DIP2C: variants seen among roughly 807,000 people sequenced by gnomAD.
DIP2C encodes the protein disco-interacting protein 2 homolog C.
DIP2C carries 33 observed loss-of-function variants against 192.4 expected under a neutral mutation model. The ratio of observed to expected loss-of-function variants is 0.17; its 90% CI spans 0.13 to 0.23. The LOEUF is 0.23. DIP2C is among the 10% of genes least tolerant of loss of function. DIP2C has a pLI of 1.00. For synonymous variants in DIP2C, 979 were observed against 864.1 expected, an observed-to-expected ratio of 1.13 and a Z score of -2.33; for missense variants, 1,537 against 2,110.1, an observed-to-expected ratio of 0.73 and a Z score of 5.32.
chr10:384,575 G>A lies in DIP2C; in HGVS notation c.1727C>T (p.Ser576Phe). Residue 576 changes from serine to phenylalanine, a missense_variant, in exon 15 of 37, where the codon TCC becomes TTC. Physicochemically the swap from Ser to Phe is radical, Grantham distance 155. Around this residue, in one of 4 missense-constraint regions of DIP2C, gnomAD observed 677 missense variants for 989.9 expected, o/e 0.68. Transcript: ENST00000280886. The part of the protein sequence containing the change: ...PYSLMKVNPL[S>F]WIQKVCQYKA... ...GTACTGGCAGACCTTCTGGATCCAG[G>A]AGAGAGGGTTCACCTTCATCAGCGA... 1 of 1,613,984 alleles carries A rather than the reference G, an allele frequency of 6.2e-7. No individual in the cohort carries two copies. The highest frequency in any genetic ancestry group is 2.2e-5 in the East Asian group (1 of 44,876).
chr10:598,404 C>T (rs918148779), intron 1 of DIP2C, among the ~76,000 whole-genome samples: 1 of 152,178 alleles, frequency 6.6e-6, no homozygotes, highest in Non-Finnish European at 1.5e-5. Flanking sequence ...ACAACATGGA[C>T]ATTCCCTCAA....
chr10:601,263 T>TA (rs1852055826), intron 1 of DIP2C, among the ~76,000 whole-genome samples: 1 of 152,232 alleles, frequency 6.6e-6, no homozygotes. Context: ...AATCTCTAGA[T>TA]AATCAGGCAA....
At chr10:289,573 G>C (rs974800465) in intron 32 of DIP2C, among the ~76,000 whole-genome samples, 1 of 152,142 alleles carries the variant, frequency 6.6e-6, no homozygotes, top group East Asian at 1.9e-4. Flanking sequence ...AGCCCTCACT[G>C]AGATTTGAAA....
intron 1 of DIP2C, among the ~76,000 whole-genome samples, chr10:520,525 C>G (rs1846633713): frequency 6.6e-6 from 1 of 152,188 alleles, no homozygotes; most frequent in African/African-American, 2.4e-5. Flanking sequence ...TTTGGGTTTT[C>G]CGTGGGCAGA....
At chr10:436,512 G>A (rs1488875730) in intron 4 of DIP2C, among the ~76,000 whole-genome samples, 3 of 151,912 alleles carry the variant, frequency 2.0e-5, no homozygotes, top group South Asian at 2.1e-4. Flanking sequence ...TCCGCCTCCT[G>A]GACGTAGTAG....
At chr10:561,312 T>A (rs1211543692) in intron 1 of DIP2C, among the ~76,000 whole-genome samples, 1 of 152,182 alleles carries the variant, frequency 6.6e-6, no homozygotes, top group East Asian at 1.9e-4. Context: ...GGACTCACAA[T>A]GGATTGGAGG....
chr10:453,778 G>T (rs1314518795), intron 3 of DIP2C, among the ~76,000 whole-genome samples: 1 of 152,246 alleles, frequency 6.6e-6, no homozygotes, highest in Non-Finnish European at 1.5e-5. Flanking sequence ...CAGCACAGGG[G>T]CTCCAAGGAG....
chr10:477,271 A>G lies in DIP2C; in HGVS notation c.158-4722T>C, dbSNP rs75373117. On this transcript the variant is annotated intron_variant, in intron 2 of 36. Coordinates refer to ENST00000280886, the MANE Select transcript of DIP2C (RefSeq NM_014974.3). ...AAGAATGGATGGATAGGAGGTAGAG[A>G]AGGAAGGGAAGGAAGAGACGGGAGG... Among the ~76,000 whole-genome samples the G allele has an allele frequency of 6.8e-3, 498 of 73,508 alleles. 16 individuals carry two copies. Among genetic ancestry groups the G allele is most frequent in the African/African-American group, 0.033 (466 of 14,104 alleles). 48.2% of individuals were successfully genotyped at this position (73,508 alleles called of 152,430 possible). A position where few individuals can be genotyped will look rare whatever the true frequency, so the allele number is the denominator to read the frequency against.
At chr10:412,779 CAG>C (rs1965271813) in intron 8 of DIP2C, among the ~76,000 whole-genome samples, 1 of 152,144 alleles carries the variant, frequency 6.6e-6, no homozygotes, top group Admixed American at 6.5e-5. Flanking sequence ...TACCTGCAAT[CAG>C]AAAAGTGTTG....
intron 2 of DIP2C, among the ~76,000 whole-genome samples, chr10:477,296 G>A (rs556853471): frequency 8.1e-5 from 3 of 37,036 alleles, no homozygotes; most frequent in Admixed American, 3.1e-4. Flanking sequence ...GAGACGGGAG[G>A]AAGGTGGATG....
intron 1 of DIP2C, among the ~76,000 whole-genome samples, chr10:517,906 T>G (rs1175835384): frequency 6.6e-6 from 1 of 152,226 alleles, no homozygotes; most frequent in Non-Finnish European, 1.5e-5. Flanking sequence ...TCCTCTTCTG[T>G]GCAGTTTCAC....
At chr10:558,613 G>A (rs1849035038) in intron 1 of DIP2C, among the ~76,000 whole-genome samples, 1 of 152,148 alleles carries the variant, frequency 6.6e-6, no homozygotes, top group Non-Finnish European at 1.5e-5. Context: ...TCGGGGAAAG[G>A]CAGCTTCTCC....
intron 3 of DIP2C, among the ~76,000 whole-genome samples, chr10:451,596 T>C (rs1968853523): frequency 1.3e-5 from 2 of 152,256 alleles, no homozygotes. Context: ...GCAATTTTAC[T>C]TAAAAAGAAT....
At position 343,118 on chromosome 10, in the gene DIP2C, T is replaced by C. The variant is rs569788928; in HGVS notation, c.3453+1691A>G. Among the ~76,000 whole-genome samples, 26 of 152,170 alleles carry C rather than the reference T, an allele frequency of 1.7e-4. No homozygotes were observed. In the South Asian group the frequency reaches 4.4e-3, roughly 26 times the overall value. ...TCCTGGCTAACACAGTGAAACCCCA[T>C]CTCTACTAAACATACAAAAAATTAG... On this transcript the variant is annotated intron_variant, in intron 28 of 36. Transcript: ENST00000280886.
At chr10:447,878 A>T (rs12779783) in intron 3 of DIP2C, among the ~76,000 whole-genome samples, 1 of 76,806 alleles carries the variant, frequency 1.3e-5, no homozygotes, top group African/African-American at 8.4e-5. Context: ...CCCATTAATA[A>T]TCAGGATCAC....
At chr10:626,438 C>T (rs1430974433) in intron 1 of DIP2C, among the ~76,000 whole-genome samples, 1 of 151,780 alleles carries the variant, frequency 6.6e-6, no homozygotes, top group African/African-American at 2.4e-5. Context: ...CGGTGTTACC[C>T]TCCGTCCCCC....
intron 1 of DIP2C, among the ~76,000 whole-genome samples, chr10:586,951 G>A (rs1038557510): frequency 2.6e-5 from 4 of 151,792 alleles, no homozygotes; most frequent in African/African-American, 9.7e-5. Flanking sequence ...GGCAAACAGT[G>A]CAGTGTCTAA....
At chr10:534,283 G>A (rs1294751951) in intron 1 of DIP2C, among the ~76,000 whole-genome samples, 2 of 152,204 alleles carry the variant, frequency 1.3e-5, no homozygotes, top group African/African-American at 4.8e-5. Context: ...TCCCCTTAAA[G>A]GGGAAAAGGC....
intron 29 of DIP2C, among the ~76,000 whole-genome samples, chr10:335,788 T>G (rs538627419): frequency 6.6e-6 from 1 of 152,348 alleles, no homozygotes; most frequent in Non-Finnish European, 1.5e-5. Context: ...CTTTAACTAT[T>G]TCGTGGATGG....
Sources: allele counts gnomAD v4.1 joint callset (sites outside exome capture counted in the v4.1 genomes callset), GRCh38; gene constraint gnomAD v4.1.1; regional missense constraint gnomAD v4.1.1; transcripts MANE v1.5; gene names NCBI Gene and HGNC (gene_info 2026-07-23, HGNC 2026-07-21).